Variants in PRKAR1B observed in about 807,000 individuals in gnomAD.
PRKAR1B encodes protein kinase cAMP-dependent type I regulatory subunit beta.
In PRKAR1B, 22 loss-of-function variants were observed where a neutral mutation model predicts 46.5. The ratio of observed to expected loss-of-function variants is 0.47; its 90% CI spans 0.34 to 0.68. PRKAR1B has a LOEUF of 0.68. PRKAR1B is among the 30% of genes least tolerant of loss of function. The probability of loss-of-function intolerance (pLI) is 0.01; values close to 1 mark genes in which losing one functional copy is unlikely to be tolerated. For missense variants in PRKAR1B, 445 were observed against 535.6 expected (o/e 0.83, Z 1.67); for synonymous variants, 259 against 217.7 (o/e 1.19, Z -1.67).
chr7:591,033 T>C (rs896611960), intron 7 of PRKAR1B, among the ~76,000 whole-genome samples: 1 of 152,230 alleles, frequency 6.6e-6, no homozygotes, highest in Non-Finnish European at 1.5e-5. Flanking sequence ...AAATAATTTA[T>C]AATTCACACT....
intron 6 of PRKAR1B, among the ~76,000 whole-genome samples, chr7:597,366 C>A (rs1438277452): frequency 6.6e-6 from 1 of 152,216 alleles, no homozygotes; most frequent in Non-Finnish European, 1.5e-5. Flanking sequence ...AACTGGTCGA[C>A]CACGAACTTT....
intron 4 of PRKAR1B, among the ~76,000 whole-genome samples, 153 bp from the exon 5 acceptor site, chr7:607,605 C>A (rs1782171834): frequency 6.6e-6 from 1 of 152,172 alleles, no homozygotes; most frequent in African/African-American, 2.4e-5. Flanking sequence ...AATTGAAATC[C>A]TTCATGACCC....
chr7:621,942 G>A (rs1165166181), intron 4 of PRKAR1B, among the ~76,000 whole-genome samples: 1 of 152,226 alleles, frequency 6.6e-6, no homozygotes. Flanking sequence ...CTCCCCCAGT[G>A]CTGCTAGAAG....
chr7:601,577 C>T (rs781285672), intron 6 of PRKAR1B, among the ~76,000 whole-genome samples: 6 of 152,244 alleles, frequency 3.9e-5, no homozygotes, highest in Non-Finnish European at 8.8e-5. Flanking sequence ...GGGCCTCCCA[C>T]ATCACAGGAG....
intron 9 of PRKAR1B, among the ~76,000 whole-genome samples, chr7:569,650 G>A (rs1779385812): frequency 6.6e-6 from 1 of 152,188 alleles, no homozygotes; most frequent in South Asian, 2.1e-4. Flanking sequence ...TGTCCCTCTC[G>A]GTCAGCTGTG....
chr7:616,061 GGCTGTGCTCTCACCACTGCCGAGACC>G (rs1050976295), intron 4 of PRKAR1B, among the ~76,000 whole-genome samples: 7 of 152,074 alleles, frequency 4.6e-5, no homozygotes, highest in Admixed American at 4.6e-4. Context: ...CCCAGGCAGG[GGCTGTGCTCTCACCACTGCCGAGACC>G]CTCCCAGGCC....
chr7:661,715 T>A (rs1397296218), intron 4 of PRKAR1B, among the ~76,000 whole-genome samples: 15 of 36,530 alleles, frequency 4.1e-4, no homozygotes, highest in African/African-American at 1.9e-3. Context: ...ATGGCACAGG[T>A]CCCCACCCCA....
chr7:587,792 G>C (rs958794683), intron 7 of PRKAR1B, among the ~76,000 whole-genome samples: 4 of 152,228 alleles, frequency 2.6e-5, no homozygotes, highest in Non-Finnish European at 5.9e-5. Flanking sequence ...GAGTGGAGCA[G>C]AGGATGAAGG....
chr7:699,853 G>C (rs1473220388), intron 2 of PRKAR1B, among the ~76,000 whole-genome samples: 1 of 152,174 alleles, frequency 6.6e-6, no homozygotes, highest in Non-Finnish European at 1.5e-5. Flanking sequence ...TTTAAGAAGG[G>C]GGAGCAGTTC....
chr7:562,946 T>C (rs1778896979), intron 9 of PRKAR1B, among the ~76,000 whole-genome samples: 1 of 152,214 alleles, frequency 6.6e-6, no homozygotes, highest in African/African-American at 2.4e-5. Context: ...TCTCAATCTT[T>C]GGATGAACAG....
At chr7:681,582 G>A (rs1778688196) in intron 2 of PRKAR1B, among the ~76,000 whole-genome samples, 1 of 152,204 alleles carries the variant, frequency 6.6e-6, no homozygotes, top group African/African-American at 2.4e-5. Context: ...AGCATCTGGA[G>A]GTCTGCTGGG....
At position 721,648 on chromosome 7, in the gene PRKAR1B, C is replaced by CAA. The variant is rs35487659; in HGVS notation, c.-23+5560_-23+5561dup. ...GGGCAACAAGAGCGAAATTCCGTCT[C>CAA]AAAAAAAAAAAAAATTACCTTTCTG... On this transcript the variant is annotated intron_variant, in intron 1 of 10. Coordinates refer to ENST00000537384, the MANE Select transcript of PRKAR1B (RefSeq NM_001164760.2). Among the ~76,000 whole-genome samples, 353 of 145,776 alleles carry CAA rather than the reference C, an allele frequency of 2.4e-3. 3 individuals are homozygous for CAA. Among genetic ancestry groups the CAA allele is most frequent in the African/African-American group, 8.3e-3 (332 of 39,932 alleles).
intron 4 of PRKAR1B, among the ~76,000 whole-genome samples, chr7:651,157 A>G (rs1357835764): frequency 6.6e-6 from 1 of 152,138 alleles, no homozygotes; most frequent in Non-Finnish European, 1.5e-5. Flanking sequence ...TCTGCCTCCT[A>G]CAGGCACCCA....
chr7:706,027 G>A (rs922932168), intron 2 of PRKAR1B, among the ~76,000 whole-genome samples: 1 of 150,860 alleles, frequency 6.6e-6, no homozygotes, highest in Non-Finnish European at 1.5e-5. Context: ...ACTCTGTCTC[G>A]AAAAGAAAAA....
intron 4 of PRKAR1B, among the ~76,000 whole-genome samples, chr7:612,600 G>A (rs1782585212): frequency 6.6e-6 from 1 of 152,182 alleles, no homozygotes; most frequent in Admixed American, 6.5e-5. Context: ...GTGGCTATTA[G>A]AGGAGAGGAA....
chr7:710,405 G>C (rs1403665215), intron 2 of PRKAR1B, among the ~76,000 whole-genome samples: 1 of 152,152 alleles, frequency 6.6e-6, no homozygotes, highest in Non-Finnish European at 1.5e-5. Context: ...GGTGTCACAG[G>C]GGCTCCTGTC....
chr7:582,860 G>A (rs530296216), intron 8 of PRKAR1B, among the ~76,000 whole-genome samples: 37 of 152,388 alleles, frequency 2.4e-4, no homozygotes, highest in Admixed American at 9.8e-4. Flanking sequence ...GGATTTTGCA[G>A]AGGGAGCAAA....
intron 9 of PRKAR1B, 96 bp downstream of exon 9, chr7:579,158 CCA>C: frequency 6.2e-7 from 1 of 1,602,134 alleles, no homozygotes; most frequent in Non-Finnish European, 8.5e-7. Flanking sequence ...AGCACTGACT[CCA>C]GAGGGAGGGT....
chr7:617,319 T>A (rs1162564934), intron 4 of PRKAR1B, among the ~76,000 whole-genome samples: 6 of 85,844 alleles, frequency 7.0e-5, no homozygotes, highest in African/African-American at 9.6e-5. Context: ...TTTTTTTTTT[T>A]AAAGAGACCG....
Sources: allele counts gnomAD v4.1 joint callset (sites outside exome capture counted in the v4.1 genomes callset), GRCh38; gene constraint gnomAD v4.1.1; transcripts MANE v1.5; gene names NCBI Gene and HGNC (gene_info 2026-07-23, HGNC 2026-07-21).